DYSF: variants seen among roughly 807,000 people sequenced by gnomAD.
DYSF encodes dystrophy-associated fer-1-like 1.
Under a neutral mutation model 274.9 loss-of-function variants are expected in DYSF, and 212 were observed. The ratio of observed to expected loss-of-function variants is 0.77; its 90% CI spans 0.69 to 0.86. The LOEUF is 0.86. Among genes scored for constraint, DYSF ranks in the 40% least tolerant of loss-of-function variants. The pLI is 0.00. For synonymous variants in DYSF, 1,091 were observed against 1,078.7 expected, an observed-to-expected ratio of 1.01 and a Z score of -0.22; for missense variants, 2,666 against 2,783.2, an observed-to-expected ratio of 0.96 and a Z score of 0.95.
At chr2:71,588,996 T>C (rs1374278593) in intron 30 of DYSF, among the ~76,000 whole-genome samples, 3 of 152,174 alleles carry the variant, frequency 2.0e-5, no homozygotes, top group African/African-American at 7.2e-5. Context: ...GTGGCAGGGC[T>C]GACCATCTAG....
intron 4 of DYSF, among the ~76,000 whole-genome samples, chr2:71,507,003 G>C (rs560020188): frequency 6.6e-6 from 1 of 152,010 alleles, no homozygotes. Context: ...TAGAAACACC[G>C]GATGCTCAGG....
intron 17 of DYSF, among the ~76,000 whole-genome samples, chr2:71,550,464 T>G (rs945156463): frequency 9.2e-5 from 14 of 152,152 alleles, no homozygotes; most frequent in African/African-American, 3.4e-4. Flanking sequence ...GGGCAGAGGG[T>G]ATGTGCCTGG....
At chr2:71,497,078 C>A (rs910947297) in intron 3 of DYSF, among the ~76,000 whole-genome samples, 3 of 152,216 alleles carry the variant, frequency 2.0e-5, no homozygotes, top group Non-Finnish European at 4.4e-5. Context: ...ACCTACCCCA[C>A]AGGACTAGTG....
At chr2:71,466,984 G>A in intron 1 of DYSF, 51 bp downstream of exon 1, 1 of 1,533,230 alleles carries the variant, frequency 6.5e-7, no homozygotes, top group East Asian at 2.5e-5. Context: ...CCCGACTCTC[G>A]GCGCTCACTG....
intron 41 of DYSF, among the ~76,000 whole-genome samples, 159 bp from the exon 42 acceptor site, chr2:71,643,806 G>T (rs1290567630): frequency 6.6e-6 from 1 of 152,166 alleles, no homozygotes; most frequent in African/African-American, 2.4e-5. Context: ...CTTTGCCCCA[G>T]GAGAGGCGGA....
Position 71,598,687 on chromosome 2 carries a change from CCA to C in DYSF, c.3701_3702del (p.Thr1234SerfsTer3), listed in dbSNP as rs757127011. ...GAGATCGAGATCTTTGGCGAGCCGG[CCA>C]CAGTTGCTGAGCAACCGCCCAGCAT... On this transcript the variant is annotated frameshift_variant, in exon 33 of 56. Transcript: ENST00000410020. LOFTEE classifies it high-confidence loss of function. 1 of 1,614,008 alleles carries C rather than the reference CCA, an allele frequency of 6.2e-7. No individual in the cohort carries two copies. Among genetic ancestry groups the C allele is most frequent in the Admixed American group, 1.7e-5 (1 of 60,030 alleles).
intron 17 of DYSF, among the ~76,000 whole-genome samples, chr2:71,548,417 C>G (rs935606371): frequency 5.9e-5 from 9 of 152,184 alleles, no homozygotes; most frequent in Admixed American, 4.6e-4. Flanking sequence ...TCAGCAAGTT[C>G]ACCAACCACA....
intron 36 of DYSF, among the ~76,000 whole-genome samples, chr2:71,609,766 G>T (rs372115159): frequency 6.6e-6 from 1 of 152,192 alleles, no homozygotes; most frequent in East Asian, 1.9e-4. Flanking sequence ...CAGGAGTGTG[G>T]CTTGGGTTGG....
chr2:71,454,183 A>T (rs2080955049), intron 1 of DYSF: 1 of 1,262,670 alleles, frequency 7.9e-7, no homozygotes, highest in Admixed American at 2.0e-5. Context: ...GCTGAGAGAC[A>T]GGAGACTTTC....
chr2:71,600,681 G>T, intron 33 of DYSF, 21 bp from the exon 34 acceptor site: 2 of 1,614,000 alleles, frequency 1.2e-6, no homozygotes, highest in South Asian at 2.2e-5. Context: ...GCTGATTCTT[G>T]TCTCTCTACG....
At chr2:71,606,663 G>T (rs1285697803) in intron 36 of DYSF, among the ~76,000 whole-genome samples, 1 of 152,206 alleles carries the variant, frequency 6.6e-6, no homozygotes, top group Admixed American at 6.5e-5. Flanking sequence ...CATAGGAATG[G>T]GGTATGTGGG....
chr2:71,574,288 T>C lies in DYSF; in HGVS notation c.3319T>C (p.Phe1107Leu). The change falls in exon 30 of 56, where the codon TTC (phenylalanine) becomes CTC (leucine). Residue 1107 changes from phenylalanine (F) to leucine (L), a missense_variant. Around this residue, in one of 3 missense-constraint regions of DYSF, gnomAD observed 1,460 missense variants for 1,502.1 expected, o/e 0.97. Coordinates refer to ENST00000410020, the MANE Select transcript of DYSF (RefSeq NM_001130987.2). ...CCTCGAGTACCGCAAGACAGATGCC[T>C]TCCGCCGCCGCCGCTGGCGCCGTCG... is the stretch of plus-strand genomic sequence containing the variant. ...FHLEYRKTDA[F>L]RRRRWRRRME... 1 of 1,614,058 alleles carries C rather than the reference T, an allele frequency of 6.2e-7. No individual in the cohort carries two copies. Among genetic ancestry groups the C allele is most frequent in the Non-Finnish European group, 8.5e-7 (1 of 1,179,948 alleles).
chr2:71,490,375 C>T (rs1162785975), intron 3 of DYSF, among the ~76,000 whole-genome samples: 3 of 152,118 alleles, frequency 2.0e-5, no homozygotes, highest in Non-Finnish European at 4.4e-5. Context: ...GTTTCGCTCT[C>T]GTTGCCCAGG....
At chr2:71,518,761 G>A (rs965524689) in intron 10 of DYSF, among the ~76,000 whole-genome samples, 4 of 151,828 alleles carry the variant, frequency 2.6e-5, no homozygotes, top group African/African-American at 9.7e-5. Flanking sequence ...TCTGCCTGTT[G>A]TCAGAAGTTA....
rs796195638 is a variant in DYSF at position 71,635,770 on chromosome 2, G to A, written c.4528-8195G>A. Among the ~76,000 whole-genome samples the A allele has an allele frequency of 8.1e-3, 1,026 of 126,428 alleles. 41 individuals are homozygous for A. The highest frequency in any genetic ancestry group is 0.041 in the Admixed American group (442 of 10,842). The allele number at this position is 126,428 out of a possible 152,430, so 82.9% of individuals were successfully genotyped here. A position where few individuals can be genotyped will look rare whatever the true frequency, so the allele number is the denominator to read the frequency against. ...TCTCAAAAAAAAAAAAAAAAAGAAA[G>A]AAAAAAGAAAAAGAAAAAAGATGAA... On this transcript the variant is annotated intron_variant, in intron 41 of 55. Coordinates refer to ENST00000410020, the MANE Select transcript of DYSF (RefSeq NM_001130987.2).
At chr2:71,569,519 T>C (rs2092306123) in intron 26 of DYSF, among the ~76,000 whole-genome samples, 1 of 152,240 alleles carries the variant, frequency 6.6e-6, no homozygotes, top group East Asian at 1.9e-4. Context: ...TAAAACTTTA[T>C]ATTTTTACAA....
chr2:71,613,494 C>A, intron 40 of DYSF, 84 bp downstream of exon 40: 1 of 1,150,480 alleles, frequency 8.7e-7, no homozygotes, highest in Non-Finnish European at 1.3e-6. Flanking sequence ...CCCTACCCTT[C>A]ATTATCACAC....
At chr2:71,520,253 G>A (rs759617781) in intron 11 of DYSF, 45 bp downstream of exon 11, 1 of 1,609,536 alleles carries the variant, frequency 6.2e-7, no homozygotes, top group East Asian at 2.2e-5. Context: ...TTTGGTTCTG[G>A]AGGCTGATTG....
intron 1 of DYSF, among the ~76,000 whole-genome samples, chr2:71,454,520 C>T (rs1384338962): frequency 6.6e-6 from 1 of 152,238 alleles, no homozygotes; most frequent in Non-Finnish European, 1.5e-5. Flanking sequence ...GGCTGCTTTC[C>T]TGGCCCTTTG....
Sources: gnomAD v4.1 joint callset for allele counts (sites outside exome capture counted in the v4.1 genomes callset) on GRCh38, gnomAD v4.1.1 for gene constraint, gnomAD v4.1.1 regional missense constraint, MANE v1.5 for transcripts, NCBI Gene and HGNC (gene_info 2026-07-23, HGNC 2026-07-21) for gene names.